Variants in NEURL1 observed in about 807,000 individuals in gnomAD.
NEURL1 encodes the protein neuralized E3 ubiquitin protein ligase 1.
NEURL1 carries 26 observed loss-of-function variants against 41.2 expected under a neutral mutation model. That is an observed-to-expected ratio of 0.63 (90% CI 0.46 to 0.87). The LOEUF (loss-of-function observed/expected upper bound fraction) is 0.87, where lower values mean the gene tolerates loss of function less well. NEURL1 is among the 40% of genes least tolerant of loss of function. The pLI, the probability that NEURL1 is intolerant of heterozygous loss-of-function variation, is 0.00. For synonymous variants in NEURL1, 400 were observed against 402.3 expected, an observed-to-expected ratio of 0.99 and a Z score of 0.07; for missense variants, 761 against 871.1, an observed-to-expected ratio of 0.87 and a Z score of 1.59.
At position 103,558,117 on chromosome 10, in the gene NEURL1, A is replaced by T. The variant is rs2133870878; in HGVS notation, c.86-12755A>T. On this transcript the variant is annotated intron_variant, in intron 1 of 5. Transcript: ENST00000369780. This position sits in a 1 kb window ranked among gnomAD's most constrained non-coding sequence, Gnocchi z 4.2. Reference sequence around the variant, plus strand: ...CTGGTCTTGAATTCCTGACCTCGTGATCCACCTGTGTCGGCCTCCCAAAGT... The same window carrying T: ...CTGGTCTTGAATTCCTGACCTCGTGTTCCACCTGTGTCGGCCTCCCAAAGT... 9.2e-6 allele frequency: 8 copies of T among 872,352 alleles called. No individual in the cohort carries two copies. The highest frequency in any genetic ancestry group is 1.1e-5 in the Non-Finnish European group (8 of 726,674). 54.0% of individuals were successfully genotyped at this position (872,352 alleles called of 1,614,324 possible).
In NEURL1 at chr10:103,590,563, A is replaced by G; in HGVS notation, c.*191A>G. On this transcript the variant is annotated 3_prime_UTR_variant, in exon 6 of 6. Coordinates refer to ENST00000369780, the MANE Select transcript of NEURL1 (RefSeq NM_004210.5). ...TCAGGCAGGGAGGGGGCAGAGGCAA[A>G]TCACCGGGCAGAGGGAGGGGAGGAG... 1 of 595,208 alleles carries G rather than the reference A, an allele frequency of 1.7e-6. No individual in the cohort carries two copies. The highest frequency in any genetic ancestry group is 3.0e-6 in the Non-Finnish European group (1 of 334,212). 36.9% of individuals were successfully genotyped at this position (595,208 alleles called of 1,614,324 possible).
chr10:103,582,720 C>G (rs994500705), intron 3 of NEURL1, among the ~76,000 whole-genome samples: 1 of 152,216 alleles, frequency 6.6e-6, no homozygotes, highest in African/African-American at 2.4e-5. Context: ...ACCTGAGAAC[C>G]CCAGCCATCC....
chr10:103,494,383 A>T lies in NEURL1; in HGVS notation c.-5A>T. 1 of 1,583,292 alleles carries T rather than the reference A, an allele frequency of 6.3e-7. No individual in the cohort carries two copies. ...CGAGCGCCGAACCTCCTGGGGCCGG[A>T]TGCCATGGGTAACAACTTCTCCAGT... On this transcript the variant is annotated 5_prime_UTR_variant, in exon 1 of 6. The change abolishes an upstream ATG in the 5' untranslated region. Transcript: ENST00000369780.
chr10:103,522,420 C>T (rs1394594274), intron 1 of NEURL1, among the ~76,000 whole-genome samples: 3 of 150,048 alleles, frequency 2.0e-5, no homozygotes, highest in Admixed American at 6.7e-5. Context: ...CCAGCCTGAC[C>T]AACGTGAAGA....
At chr10:103,579,914 C>A (rs1015184096) in intron 3 of NEURL1, among the ~76,000 whole-genome samples, 1 of 152,064 alleles carries the variant, frequency 6.6e-6, no homozygotes, top group Non-Finnish European at 1.5e-5. Flanking sequence ...CCACTGCACT[C>A]CAGCCTGGGG....
intron 1 of NEURL1, among the ~76,000 whole-genome samples, chr10:103,522,290 T>C (rs939864370): frequency 2.0e-5 from 3 of 152,072 alleles, no homozygotes; most frequent in African/African-American, 7.2e-5. Flanking sequence ...CGTTTTTTTT[T>C]CTGGGTCTTC....
chr10:103,584,907 A>C lies in NEURL1; in HGVS notation c.1021A>C (p.Lys341Gln). 6.8e-7 allele frequency: 1 copy of C among 1,467,940 alleles called. No individual in the cohort carries two copies. The highest frequency in any genetic ancestry group is 2.5e-5 in the Admixed American group (1 of 39,846). The allele number at this position is 1,467,940 out of a possible 1,614,324, so 90.9% of individuals were successfully genotyped here. Residue 341 changes from lysine to glutamine, a missense_variant, in exon 4 of 6, where the codon AAG (lysine) becomes CAG (glutamine). Physicochemically the swap from Lys to Gln is moderately conservative, Grantham distance 53. Around this residue, in one of 5 missense-constraint regions of NEURL1, gnomAD observed 443 missense variants for 408.1 expected, o/e 1.09. Coordinates refer to ENST00000369780, the MANE Select transcript of NEURL1 (RefSeq NM_004210.5). Reference sequence around the variant, plus strand: ...GCGCGTGGCCGAGACCATCTTCGTCAAGGTCACGCGCTCGGGTGGCGCGCG... The same window carrying C: ...GCGCGTGGCCGAGACCATCTTCGTCCAGGTCACGCGCTCGGGTGGCGCGCG... Reference protein sequence around the residue: ...PVRVAETIFVKVTRSGGARPG... With the variant: ...PVRVAETIFVQVTRSGGARPG...
At chr10:103,517,883 C>T (rs1564807547) in intron 1 of NEURL1, among the ~76,000 whole-genome samples, 1 of 152,246 alleles carries the variant, frequency 6.6e-6, no homozygotes, top group Admixed American at 6.5e-5. Flanking sequence ...GGCAGGCCAC[C>T]ATCTCCCTGG....
chr10:103,554,506 G>GT (rs1263499957), intron 1 of NEURL1, among the ~76,000 whole-genome samples: 1 of 152,192 alleles, frequency 6.6e-6, no homozygotes, highest in East Asian at 1.9e-4. Flanking sequence ...ATAGGTTGGT[G>GT]TGGGGGGGAA....
At chr10:103,522,384 G>A (rs2034369899) in intron 1 of NEURL1, among the ~76,000 whole-genome samples, 2 of 151,722 alleles carry the variant, frequency 1.3e-5, no homozygotes, top group Admixed American at 1.3e-4. Flanking sequence ...GAGGTGAGCG[G>A]GTCACCTGAG....
At chr10:103,502,345 C>G (rs1019214807) in intron 1 of NEURL1, among the ~76,000 whole-genome samples, 1 of 152,186 alleles carries the variant, frequency 6.6e-6, no homozygotes, top group African/African-American at 2.4e-5. Flanking sequence ...GTCCTGGAGG[C>G]TGGAAGTCTG....
At chr10:103,501,177 A>G (rs1008664019) in intron 1 of NEURL1, among the ~76,000 whole-genome samples, 1 of 152,182 alleles carries the variant, frequency 6.6e-6, no homozygotes, top group Non-Finnish European at 1.5e-5. Context: ...AGGGCCTATG[A>G]TATTAGGACG....
At chr10:103,536,044 G>A (rs965703919) in intron 1 of NEURL1, among the ~76,000 whole-genome samples, 3 of 152,152 alleles carry the variant, frequency 2.0e-5, no homozygotes, top group Non-Finnish European at 4.4e-5. Flanking sequence ...GAATTGCAGG[G>A]ACTCCAGTGG....
At chr10:103,539,017 G>A (rs1337066570) in intron 1 of NEURL1, among the ~76,000 whole-genome samples, 1 of 150,648 alleles carries the variant, frequency 6.6e-6, no homozygotes, top group East Asian at 2.0e-4. Flanking sequence ...TACAATCATG[G>A]CTCACTGTAG....
At chr10:103,520,591 G>C (rs532845052) in intron 1 of NEURL1, among the ~76,000 whole-genome samples, 4 of 152,162 alleles carry the variant, frequency 2.6e-5, no homozygotes, top group South Asian at 2.1e-4. Flanking sequence ...GGATGTTTAC[G>C]TGCAGGTCAC....
chr10:103,506,966 A>T (rs1343335926), intron 1 of NEURL1, among the ~76,000 whole-genome samples: 1 of 152,148 alleles, frequency 6.6e-6, no homozygotes, highest in African/African-American at 2.4e-5. Context: ...AAGCACAGGC[A>T]CAAAGTCAGG....
Position 103,566,685 on chromosome 10 carries a change from G to A in NEURL1, c.86-4187G>A, listed in dbSNP as rs2035430983. ...TGTGTACAGGTCATTGTGTGGACATGTTTTCATTTCTTGTGGGGAAATGCC... is the reference window on the plus strand; with the variant it reads ...TGTGTACAGGTCATTGTGTGGACATATTTTCATTTCTTGTGGGGAAATGCC... On this transcript the variant is annotated intron_variant, in intron 1 of 5. Transcript: ENST00000369780. The surrounding 1 kb of genome is among the most constrained non-coding windows in gnomAD (Gnocchi z 4.2). Among the ~76,000 whole-genome samples, 1 of 152,186 alleles carries A rather than the reference G, an allele frequency of 6.6e-6. No homozygotes were observed. Among genetic ancestry groups the A allele is most frequent in the Non-Finnish European group, 1.5e-5 (1 of 68,038 alleles).
intron 1 of NEURL1, among the ~76,000 whole-genome samples, chr10:103,553,221 C>T (rs892230452): frequency 2.6e-5 from 4 of 152,180 alleles, no homozygotes; most frequent in South Asian, 2.1e-4. Flanking sequence ...TTAGGGTTGT[C>T]GTGAGGATTG....
chr10:103,503,788 CTTTT>C (rs56098530), intron 1 of NEURL1, among the ~76,000 whole-genome samples: 2 of 110,586 alleles, frequency 1.8e-5, no homozygotes, highest in Non-Finnish European at 1.7e-5. Context: ...CTCCCCCTGG[CTTTT>C]TTTTTTTTTT....
Sources: allele counts gnomAD v4.1 joint callset (sites outside exome capture counted in the v4.1 genomes callset), GRCh38; gene constraint gnomAD v4.1.1; regional missense constraint gnomAD v4.1.1; non-coding constraint Gnocchi (gnomAD v3.1); transcripts MANE v1.5; gene names NCBI Gene and HGNC (gene_info 2026-07-23, HGNC 2026-07-21).